USP10: variants seen among roughly 807,000 people sequenced by gnomAD.
USP10 encodes the protein ubiquitin carboxyl-terminal hydrolase 10.
Under a neutral mutation model 84.5 loss-of-function variants are expected in USP10, and 22 were observed. The observed-to-expected ratio is 0.26, with a 90% CI of 0.19 to 0.37. The LOEUF (loss-of-function observed/expected upper bound fraction) is 0.37. Ranked by LOEUF, USP10 falls within the 10% of genes least tolerant of loss-of-function variation. The pLI is 1.00. For synonymous variants in USP10, 454 were observed against 387.6 expected (o/e 1.17, Z -2.01); for missense variants, 1,019 against 998.9 (o/e 1.02, Z -0.27).
chr16:84,714,673 AG>A (rs1906769619), intron 1 of USP10, among the ~76,000 whole-genome samples: 1 of 151,874 alleles, frequency 6.6e-6, no homozygotes, highest in Non-Finnish European at 1.5e-5. Context: ...TCCAATTTTT[AG>A]TTGTTACTTG....
chr16:84,749,566 C>T (rs948873378), intron 4 of USP10, among the ~76,000 whole-genome samples: 3 of 147,562 alleles, frequency 2.0e-5, no homozygotes, highest in Non-Finnish European at 3.0e-5. Context: ...ATACTGAGAC[C>T]CCATCTTTAA....
At chr16:84,700,294 C>A (rs1289034008) in intron 1 of USP10, among the ~76,000 whole-genome samples, 183 bp downstream of exon 1, 1 of 152,026 alleles carries the variant, frequency 6.6e-6, no homozygotes, top group Non-Finnish European at 1.5e-5. Context: ...GCGCCTTCGT[C>A]CCCTGAGCCA....
chr16:84,758,618 G>T (rs1376764332), intron 4 of USP10, 98 bp from the exon 5 acceptor site: 1 of 848,692 alleles, frequency 1.2e-6, no homozygotes, highest in African/African-American at 1.7e-5. Context: ...TTACTGAAGG[G>T]ATTTTAAATG....
intron 1 of USP10, among the ~76,000 whole-genome samples, chr16:84,721,886 CAG>C (rs1907863390): frequency 1.3e-5 from 2 of 152,202 alleles, no homozygotes; most frequent in South Asian, 4.1e-4. Flanking sequence ...TTCATAGAGA[CAG>C]GGTTTCACCG....
At chr16:84,778,801 A>G in intron 13 of USP10, 94 bp from the exon 14 acceptor site, 2 of 1,261,316 alleles carry the variant, frequency 1.6e-6, no homozygotes, top group African/African-American at 1.5e-5. Flanking sequence ...GGTTTTACAC[A>G]TAGGATGCAT....
intron 1 of USP10, chr16:84,732,493 C>T (rs1213380461): frequency 2.6e-6 from 1 of 386,882 alleles, no homozygotes; most frequent in South Asian, 1.8e-5. Context: ...GTCGCCCCGG[C>T]TGGGGTGCGG....
At chr16:84,740,275 T>C (rs776548893) in intron 2 of USP10, 34 bp from the exon 3 acceptor site, 1 of 1,594,272 alleles carries the variant, frequency 6.3e-7, no homozygotes, top group Non-Finnish European at 8.6e-7. Context: ...AACATTTTGT[T>C]GAATTAAAAT....
intron 3 of USP10, among the ~76,000 whole-genome samples, chr16:84,742,140 T>G (rs1910698858): frequency 6.6e-6 from 1 of 152,214 alleles, no homozygotes; most frequent in African/African-American, 2.4e-5. Context: ...CATGAGATAT[T>G]TTCATACAGG....
intron 12 of USP10, among the ~76,000 whole-genome samples, chr16:84,774,916 T>G (rs1160819270): frequency 7.9e-5 from 12 of 152,234 alleles, no homozygotes; most frequent in Non-Finnish European, 8.8e-5. Flanking sequence ...CACAGGAGCA[T>G]CACAGCCTCG....
At position 84,773,528 on chromosome 16, in the gene USP10, A is replaced by G. The variant is rs574675650; in HGVS notation, c.2143+843A>G. On this transcript the variant is annotated intron_variant, in intron 12 of 13. Coordinates refer to ENST00000219473, the MANE Select transcript of USP10 (RefSeq NM_005153.3). The stretch of plus-strand genomic sequence containing the variant: ...TCCCTGTCTACCCTAGGGGCGCCCT[A>G]TACCTTCCCGTGAAGACTCAGACAC... Among the ~76,000 whole-genome samples, 16 of 152,234 alleles carry G rather than the reference A, an allele frequency of 1.1e-4. 1 individual carries two copies. In the South Asian group the frequency reaches 2.7e-3, roughly 26 times the overall value.
intron 8 of USP10, 120 bp from the exon 9 acceptor site, chr16:84,762,869 G>T: frequency 1.8e-6 from 1 of 571,364 alleles, no homozygotes; most frequent in Non-Finnish European, 3.1e-6. Flanking sequence ...TCATTGTTTG[G>T]AAATACTTTA....
At position 84,779,788 on chromosome 16, in the gene USP10, C is replaced by G. The variant is rs1915375379; in HGVS notation, c.*706C>G. 1 of 152,632 alleles carries G rather than the reference C, an allele frequency of 6.6e-6. No homozygotes were observed. The highest frequency in any genetic ancestry group is 2.4e-5 in the African/African-American group (1 of 41,430). 9.5% of individuals were successfully genotyped at this position (152,632 alleles called of 1,614,324 possible). On this transcript the variant is annotated 3_prime_UTR_variant, in exon 14 of 14. Transcript: ENST00000219473. ...TGAAAAATGGGCAAATAATGAAGAT[C>G]TCTCCTTCAGTCTGCTCTGTTTAAT...
At chr16:84,711,240 A>T (rs1906249251) in intron 1 of USP10, among the ~76,000 whole-genome samples, 1 of 152,292 alleles carries the variant, frequency 6.6e-6, no homozygotes, top group South Asian at 2.1e-4. Flanking sequence ...ATAAGTTGCA[A>T]AAAAACATGT....
In USP10 at chr16:84,764,202, G is replaced by T; in HGVS notation, c.1771G>T (p.Val591Phe). The T allele has an allele frequency of 6.2e-7, 1 of 1,614,000 alleles. No homozygotes were observed. Among genetic ancestry groups the T allele is most frequent in the South Asian group, 1.1e-5 (1 of 91,078 alleles). Reference sequence around the variant, plus strand: ...AGTGGGCCCCCGGAACAAGACTTCCGTCACCCGCCAGGCGGATTTTGTTCA... The same window carrying T: ...AGTGGGCCCCCGGAACAAGACTTCCTTCACCCGCCAGGCGGATTTTGTTCA... ...EQVGPRNKTS[V>F]TRQADFVQTP... The change falls in exon 10 of 14, where the codon GTC (valine) becomes TTC (phenylalanine). Residue 591 changes from valine to phenylalanine, a missense_variant. Transcript: ENST00000219473.
At chr16:84,777,540 G>A (rs1406657278) in intron 13 of USP10, among the ~76,000 whole-genome samples, 1 of 152,168 alleles carries the variant, frequency 6.6e-6, no homozygotes, top group Non-Finnish European at 1.5e-5. Flanking sequence ...GATTGGCTGT[G>A]TCCCTGGCTC....
At chr16:84,772,737 C>G in intron 12 of USP10, 52 bp downstream of exon 12, 1 of 1,601,110 alleles carries the variant, frequency 6.2e-7, no homozygotes, top group South Asian at 1.1e-5. Flanking sequence ...TCCTGCACAT[C>G]AGAAGCTCAA....
rs1915345159 is a variant in USP10 at position 84,779,403 on chromosome 16, A to C, written c.*321A>C. 1 of 194,366 alleles carries C rather than the reference A, an allele frequency of 5.1e-6. No individual in the cohort carries two copies. The highest frequency in any genetic ancestry group is 1.8e-4 in the South Asian group (1 of 5,704). The allele number at this position is 194,366 out of a possible 1,614,324, so 12.0% of individuals were successfully genotyped here. A position where few individuals can be genotyped will look rare whatever the true frequency, so the allele number is the denominator to read the frequency against. ...CCCAGTCTCATTGCTTAGTAGAATAAATCCTGCACCAGCAACAACACTTGT... is the reference window on the plus strand; with the variant it reads ...CCCAGTCTCATTGCTTAGTAGAATACATCCTGCACCAGCAACAACACTTGT... On this transcript the variant is annotated 3_prime_UTR_variant, in exon 14 of 14. Coordinates refer to ENST00000219473, the MANE Select transcript of USP10 (RefSeq NM_005153.3).
rs749648720 is a variant in USP10 at position 84,745,165 on chromosome 16, C to T, written c.684C>T (p.Phe228=). ...GTGACATTGTGCCTGACAGTCCTTT[C>T]CCCGGAGCACTCGGCAGTGACACCA... is the stretch of plus-strand genomic sequence containing the variant. ...SVSDIVPDSP[F]PGALGSDTRT... The change falls in exon 4 of 14, where the codon TTC becomes TTT. Residue 228 remains phenylalanine, a synonymous_variant. Transcript: ENST00000219473. 5 of 1,613,332 alleles carry T rather than the reference C, an allele frequency of 3.1e-6. No homozygotes were observed. In the South Asian group the frequency reaches 3.3e-5, roughly 11 times the overall value.
rs1912701298 is a variant in USP10, at chr16:84,757,402, G to GGGTGTGTGT, written c.1193-1313_1193-1312insGTGTGTGTG. ...GGAAGGAGGGAATGAGAGGGGTGGG[G>GGGTGTGTGT]GTGTGTGTGTGTGTGTGTGTGTGTG... On this transcript the variant is annotated intron_variant, in intron 4 of 13. Transcript: ENST00000219473. Among the ~76,000 whole-genome samples the GGGTGTGTGT allele has an allele frequency of 8.4e-5, 7 of 82,858 alleles. No homozygotes were observed. The East Asian group carries it at 1.4e-3, about 16-fold the overall frequency. 54.4% of individuals were successfully genotyped at this position (82,858 alleles called of 152,430 possible). A position where few individuals can be genotyped will look rare whatever the true frequency, so the allele number is the denominator to read the frequency against.
Sources: allele counts gnomAD v4.1 joint callset (sites outside exome capture counted in the v4.1 genomes callset), GRCh38; gene constraint gnomAD v4.1.1; transcripts MANE v1.5; gene names NCBI Gene and HGNC (gene_info 2026-07-23, HGNC 2026-07-21).